EPAS1: variants seen among roughly 807,000 people sequenced by gnomAD.
The protein encoded by EPAS1 is endothelial PAS domain-containing protein 1.
A neutral mutation model predicts 87.9 loss-of-function variants in EPAS1; 23 were observed. The observed-to-expected ratio is 0.26, with a 90% CI of 0.19 to 0.37. The LOEUF is 0.37. EPAS1 is among the 10% of genes least tolerant of loss of function. The pLI is 1.00. For synonymous variants in EPAS1, 508 were observed against 444.3 expected (o/e 1.14, Z -1.80); for missense variants, 1,138 against 1,120.7 (o/e 1.02, Z -0.22).
intron 6 of EPAS1, among the ~76,000 whole-genome samples, chr2:46,366,768 TTG>T (rs1192947674): frequency 1.3e-5 from 2 of 152,350 alleles, no homozygotes; most frequent in East Asian, 3.9e-4. Context: ...GCAGATGAAC[TTG>T]TGTTATCACA....
At chr2:46,298,244 G>T (rs142042261) in intron 1 of EPAS1, among the ~76,000 whole-genome samples, 23 of 152,322 alleles carry the variant, frequency 1.5e-4, no homozygotes, top group African/African-American at 5.5e-4. Context: ...TCTCCCAGCC[G>T]CCCCGCAGCA....
At chr2:46,325,972 A>G (rs1203491915) in intron 1 of EPAS1, among the ~76,000 whole-genome samples, 1 of 152,152 alleles carries the variant, frequency 6.6e-6, no homozygotes, top group African/African-American at 2.4e-5. Flanking sequence ...AACCATAATT[A>G]TGGCGCCCAG....
chr2:46,356,495 A>G (rs2103629235), intron 3 of EPAS1, among the ~76,000 whole-genome samples, 193 bp downstream of exon 3: 1 of 152,250 alleles, frequency 6.6e-6, no homozygotes, highest in South Asian at 2.1e-4. Flanking sequence ...GCTCATGTCC[A>G]TCCTGGTAGA....
Position 46,297,797 on chromosome 2 carries a change from C to G in EPAS1, c.-115C>G. The G allele has an allele frequency of 6.9e-7, 1 of 1,442,590 alleles. No individual in the cohort carries two copies. The highest frequency in any genetic ancestry group is 9.5e-7 in the Non-Finnish European group (1 of 1,053,492). The allele number at this position is 1,442,590 out of a possible 1,614,324, so 89.4% of individuals were successfully genotyped here. On this transcript the variant is annotated 5_prime_UTR_variant, in exon 1 of 16. Transcript: ENST00000263734. ...GCGGGGCGCTCGGGACCTGCGCGCA[C>G]CTCGGACCTTCACCACCCGCCCGGG...
Position 46,360,919 on chromosome 2 carries a change from A to C in EPAS1, c.608A>C (p.Asn203Thr). 1 of 1,614,172 alleles carries C rather than the reference A, an allele frequency of 6.2e-7. No individual in the cohort carries two copies. Among genetic ancestry groups the C allele is most frequent in the Non-Finnish European group, 8.5e-7 (1 of 1,180,028 alleles). Reference sequence around the variant, plus strand: ...TGCACGGGCCAGGTGAAAGTCTACAACAACTGCCCTCCTCACAATAGTCTG... The same window carrying C: ...TGCACGGGCCAGGTGAAAGTCTACACCAACTGCCCTCCTCACAATAGTCTG... ...LHCTGQVKVY[N>T]NCPPHNSLCG... Residue 203 changes from asparagine to threonine, a missense_variant, in exon 6 of 16, where the codon AAC (asparagine) becomes ACC (threonine). Coordinates refer to ENST00000263734, the MANE Select transcript of EPAS1 (RefSeq NM_001430.5). This position sits in a 1 kb window ranked among gnomAD's most constrained non-coding sequence, Gnocchi z 4.5.
At chr2:46,381,744 C>T in intron 13 of EPAS1, 22 bp downstream of exon 13, 1 of 1,613,592 alleles carries the variant, frequency 6.2e-7, no homozygotes, top group Non-Finnish European at 8.5e-7. Flanking sequence ...CCACTGGCCA[C>T]AGGGGCCTCT....
chr2:46,320,675 A>C (rs1572618690), intron 1 of EPAS1, among the ~76,000 whole-genome samples: 1 of 152,316 alleles, frequency 6.6e-6, no homozygotes, highest in Non-Finnish European at 1.5e-5. Context: ...GGCAGATGAA[A>C]GTAAATTAAG....
chr2:46,380,674 G>A lies in EPAS1; in HGVS notation c.2002G>A (p.Gly668Arg), dbSNP rs754775518. ...RTEFLGAAPL[G>R]PPVSPPHVST... ...AGAGTTCTTGGGAGCAGCGCCGTTGGGGCCCCCTGTCTCTCCACCCCATGT... is the reference window on the plus strand; with the variant it reads ...AGAGTTCTTGGGAGCAGCGCCGTTGAGGCCCCCTGTCTCTCCACCCCATGT... The change falls in exon 12 of 16, where the codon GGG becomes AGG. Residue 668 changes from glycine to arginine, a missense_variant. Physicochemically the swap from Gly to Arg is moderately radical, Grantham distance 125 (BLOSUM62 -2). Coordinates refer to ENST00000263734, the MANE Select transcript of EPAS1 (RefSeq NM_001430.5). This position sits in a 1 kb window ranked among gnomAD's most constrained non-coding sequence, Gnocchi z 4.4. 5.0e-6 allele frequency: 8 copies of A among 1,613,792 alleles called. No individual in the cohort carries two copies. Among genetic ancestry groups the A allele is most frequent in the South Asian group, 1.1e-5 (1 of 91,066 alleles).
chr2:46,381,469 C>G, intron 12 of EPAS1, 127 bp from the exon 13 acceptor site: 1 of 1,478,906 alleles, frequency 6.8e-7, no homozygotes, highest in Non-Finnish European at 9.4e-7. Context: ...CTCTGAGACT[C>G]TGCCTTTTGG....
At position 46,371,893 on chromosome 2, in the gene EPAS1, C is replaced by T. The variant is rs572003433; in HGVS notation, c.886+1960C>T. On this transcript the variant is annotated intron_variant, in intron 7 of 15. Coordinates refer to ENST00000263734, the MANE Select transcript of EPAS1 (RefSeq NM_001430.5). This position sits in a 1 kb window ranked among gnomAD's most constrained non-coding sequence, Gnocchi z 4.3. ...GGGAATTCTTGGAGGACAGTATTACCTTTTATCTTGTAGGATGGGAAAGCA... is the reference window on the plus strand; with the variant it reads ...GGGAATTCTTGGAGGACAGTATTACTTTTTATCTTGTAGGATGGGAAAGCA... Among the ~76,000 whole-genome samples the T allele has an allele frequency of 1.1e-4, 17 of 152,214 alleles. No individual in the cohort carries two copies. The East Asian group carries it at 3.3e-3, about 29-fold the overall frequency.
In EPAS1 at chr2:46,375,550, C is replaced by A; in HGVS notation, c.887-140C>A. On this transcript the variant is annotated intron_variant, in intron 7 of 15. Coordinates refer to ENST00000263734, the MANE Select transcript of EPAS1 (RefSeq NM_001430.5). This position sits in a 1 kb window ranked among gnomAD's most constrained non-coding sequence, Gnocchi z 4.1. ...TCCCTAAGCTCCCTCCCAGGTCACT[C>A]TCCCTGGTCCTCACTGTCGTGGCGC... The A allele has an allele frequency of 9.9e-7, 1 of 1,008,468 alleles. No homozygotes were observed. Among genetic ancestry groups the A allele is most frequent in the Non-Finnish European group, 1.5e-6 (1 of 663,868 alleles). 62.5% of individuals were successfully genotyped at this position (1,008,468 alleles called of 1,614,324 possible). A position where few individuals can be genotyped will look rare whatever the true frequency, so the allele number is the denominator to read the frequency against.
In EPAS1 at chr2:46,384,549, C is replaced by T; in HGVS notation, c.2502C>T (p.Tyr834=). The change falls in exon 16 of 16, where the codon TAC becomes TAT. Residue 834 remains tyrosine, a synonymous_variant. Coordinates refer to ENST00000263734, the MANE Select transcript of EPAS1 (RefSeq NM_001430.5). The part of the protein sequence containing the change: ...SRLLGPSFES[Y]LLPELTRYDC... Reference sequence around the variant, plus strand: ...TGCTCGGGCCCTCATTTGAGTCCTACCTGCTGCCCGAACTGACCAGATATG... The same window carrying T: ...TGCTCGGGCCCTCATTTGAGTCCTATCTGCTGCCCGAACTGACCAGATATG... 3.1e-6 allele frequency: 5 copies of T among 1,614,222 alleles called. No individual in the cohort carries two copies. The highest frequency in any genetic ancestry group is 1.7e-5 in the Admixed American group (1 of 60,022).
intron 1 of EPAS1, among the ~76,000 whole-genome samples, chr2:46,311,870 A>G (rs1014396410): frequency 6.6e-6 from 1 of 152,172 alleles, no homozygotes; most frequent in African/African-American, 2.4e-5. Flanking sequence ...CAGAAAACCC[A>G]GGCAGAAAGG....
At chr2:46,369,995 G>C in intron 7 of EPAS1, 62 bp downstream of exon 7, 1 of 1,247,648 alleles carries the variant, frequency 8.0e-7, no homozygotes, top group Non-Finnish European at 1.2e-6. Flanking sequence ...CTTGAGTGGG[G>C]TGTGACTGGT....
chr2:46,338,755 G>A (rs535679425), intron 1 of EPAS1, among the ~76,000 whole-genome samples: 1 of 152,228 alleles, frequency 6.6e-6, no homozygotes, highest in Non-Finnish European at 1.5e-5. Context: ...AGCTGGCCAT[G>A]GGAAAAGGAG....
intron 1 of EPAS1, among the ~76,000 whole-genome samples, chr2:46,302,025 T>C (rs1377105847): frequency 6.6e-6 from 1 of 151,900 alleles, no homozygotes; most frequent in Non-Finnish European, 1.5e-5. Context: ...AGCTGCTAGA[T>C]TGATTTTTGT....
In EPAS1 at chr2:46,335,026, C is replaced by G. The variant is rs558954069; in HGVS notation, c.27-11847C>G. The stretch of plus-strand genomic sequence containing the variant: ...AGGAAGCCCAGGACAGATTCTCTAC[C>G]AGCTCTCTCCTCTTTCACTTTTCCT... On this transcript the variant is annotated intron_variant, in intron 1 of 15. Coordinates refer to ENST00000263734, the MANE Select transcript of EPAS1 (RefSeq NM_001430.5). Among the ~76,000 whole-genome samples the G allele has an allele frequency of 6.4e-4, 97 of 152,268 alleles. 1 individual carries two copies. The highest frequency in any genetic ancestry group is 2.2e-3 in the African/African-American group (93 of 41,538).
intron 2 of EPAS1, among the ~76,000 whole-genome samples, chr2:46,352,907 G>A (rs1684200466): frequency 6.6e-6 from 1 of 152,224 alleles, no homozygotes; most frequent in Non-Finnish European, 1.5e-5. Context: ...CCACCTCCTG[G>A]AAGCAAATGC....
chr2:46,382,113 G>T, intron 14 of EPAS1, 24 bp downstream of exon 14: 1 of 1,607,062 alleles, frequency 6.2e-7, no homozygotes, highest in Non-Finnish European at 8.5e-7. Context: ...ACAGGCCTGG[G>T]CCTCCTGGGG....
Sources: gnomAD v4.1 joint callset for allele counts (sites outside exome capture counted in the v4.1 genomes callset) on GRCh38, gnomAD v4.1.1 for gene constraint, Gnocchi (gnomAD v3.1) non-coding constraint, MANE v1.5 for transcripts, NCBI Gene and HGNC (gene_info 2026-07-23, HGNC 2026-07-21) for gene names.